PTPRU: variants seen among roughly 807,000 people sequenced by gnomAD.
PTPRU encodes the protein protein tyrosine phosphatase receptor type U, also known as receptor-type tyrosine-protein phosphatase U.
Under a neutral mutation model 166.3 loss-of-function variants are expected in PTPRU, and 69 were observed. That is an observed-to-expected ratio of 0.41 (90% CI 0.34 to 0.51). The LOEUF (loss-of-function observed/expected upper bound fraction) is 0.51, where lower values mean the gene tolerates loss of function less well. Ranked by LOEUF, PTPRU falls within the 20% of genes least tolerant of loss-of-function variation. The pLI is 0.09. For synonymous variants in PTPRU, 793 were observed against 814.0 expected (o/e 0.97, Z 0.44); for missense variants, 1,657 against 2,013.7 (o/e 0.82, Z 3.39).
At chr1:29,254,543 A>G (rs1684689897) in intron 1 of PTPRU, among the ~76,000 whole-genome samples, 1 of 152,216 alleles carries the variant, frequency 6.6e-6, no homozygotes, top group South Asian at 2.1e-4. Flanking sequence ...AATTTGGCCG[A>G]CTTTGGGCAA....
At chr1:29,283,227 A>C (rs1574659668) in intron 12 of PTPRU, among the ~76,000 whole-genome samples, 3 of 39,928 alleles carry the variant, frequency 7.5e-5, no homozygotes, top group African/African-American at 3.3e-4. Flanking sequence ...CCATTGCCCC[A>C]CCTCCAATAG....
rs1574584851 is a variant in PTPRU at position 29,237,880 on chromosome 1, G to A, written c.73+1163G>A. Among the ~76,000 whole-genome samples the A allele has an allele frequency of 6.8e-6, 1 of 146,750 alleles. No homozygotes were observed. Among genetic ancestry groups the A allele is most frequent in the Non-Finnish European group, 1.5e-5 (1 of 66,004 alleles). On this transcript the variant is annotated intron_variant, in intron 1 of 29. Coordinates refer to ENST00000373779, the MANE Select transcript of PTPRU (RefSeq NM_133178.4). The surrounding 1 kb of genome is among the most constrained non-coding windows in gnomAD (Gnocchi z 6.4). Reference sequence around the variant, plus strand: ...CCGCGGCTGCGCCCCGGGCGGCCGGGCGGGGGCTGTCCCCGGGCTGGGCTG... The same window carrying A: ...CCGCGGCTGCGCCCCGGGCGGCCGGACGGGGGCTGTCCCCGGGCTGGGCTG...
chr1:29,271,936 C>A lies in PTPRU; in HGVS notation c.1145-3512C>A, dbSNP rs1685572937. On this transcript the variant is annotated intron_variant, in intron 7 of 29. Coordinates refer to ENST00000373779, the MANE Select transcript of PTPRU (RefSeq NM_133178.4). The surrounding 1 kb of genome is among the most constrained non-coding windows in gnomAD (Gnocchi z 4.4). ...AGCTGCAGGGAACAGAGAGCCACTCCCAGTAGTGCAAATAAAGCAGTGGTA... is the reference window on the plus strand; with the variant it reads ...AGCTGCAGGGAACAGAGAGCCACTCACAGTAGTGCAAATAAAGCAGTGGTA... 6.6e-6 allele frequency among the ~76,000 whole-genome samples: 1 copy of A among 152,094 alleles called. No individual in the cohort carries two copies. Among genetic ancestry groups the A allele is most frequent in the Admixed American group, 6.6e-5 (1 of 15,264 alleles).
Position 29,260,542 on chromosome 1 carries a change from C to A in PTPRU, c.851-68C>A. 2 of 1,217,840 alleles carry A rather than the reference C, an allele frequency of 1.6e-6. No homozygotes were observed. Among genetic ancestry groups the A allele is most frequent in the Non-Finnish European group, 1.1e-6 (1 of 901,536 alleles). The allele number at this position is 1,217,840 out of a possible 1,614,324, so 75.4% of individuals were successfully genotyped here. A position where few individuals can be genotyped will look rare whatever the true frequency, so the allele number is the denominator to read the frequency against. ...GGAGAGGGATTTGGGTGTGGTGGAA[C>A]TCAGAGTTGGGTGCTGGGGTCTCAC... is the stretch of plus-strand genomic sequence containing the variant. On this transcript the variant is annotated intron_variant, in intron 6 of 29. Transcript: ENST00000373779. This position sits in a 1 kb window ranked among gnomAD's most constrained non-coding sequence, Gnocchi z 8.3.
intron 15 of PTPRU, among the ~76,000 whole-genome samples, chr1:29,297,502 T>C (rs1427469338): frequency 6.6e-6 from 1 of 152,202 alleles, no homozygotes; most frequent in East Asian, 1.9e-4. Flanking sequence ...TTGTTTCTAC[T>C]GCATCATGCT....
chr1:29,249,100 A>C (rs1458422698), intron 1 of PTPRU, among the ~76,000 whole-genome samples: 1 of 152,144 alleles, frequency 6.6e-6, no homozygotes, highest in Non-Finnish European at 1.5e-5. Context: ...CTCCCATTTG[A>C]ATACTTGAAA....
chr1:29,253,234 G>C (rs948512589), intron 1 of PTPRU, among the ~76,000 whole-genome samples: 1 of 152,210 alleles, frequency 6.6e-6, no homozygotes, highest in Non-Finnish European at 1.5e-5. Context: ...CTGTCTGGAA[G>C]CTCTCCGAAC....
intron 7 of PTPRU, among the ~76,000 whole-genome samples, chr1:29,273,395 A>G (rs1685658988): frequency 6.6e-6 from 1 of 152,070 alleles, no homozygotes; most frequent in Admixed American, 6.6e-5. Flanking sequence ...CAGCTCCCTG[A>G]GTAGCTGGGA....
intron 7 of PTPRU, among the ~76,000 whole-genome samples, chr1:29,274,408 C>T (rs1295046678): frequency 6.6e-6 from 1 of 152,190 alleles, no homozygotes; most frequent in Admixed American, 6.5e-5. Context: ...ATGTTAACTG[C>T]CTTTATTATC....
chr1:29,302,605 A>G (rs1687188646), intron 15 of PTPRU, among the ~76,000 whole-genome samples: 1 of 151,944 alleles, frequency 6.6e-6, no homozygotes, highest in South Asian at 2.1e-4. Context: ...GCTGGAGTGC[A>G]GTGGCGCGAT....
chr1:29,246,104 C>G (rs1194394949), intron 1 of PTPRU, among the ~76,000 whole-genome samples: 2 of 152,266 alleles, frequency 1.3e-5, no homozygotes, highest in African/African-American at 4.8e-5. Context: ...CATGGCCCCT[C>G]TGCATTCCAC....
chr1:29,292,175 A>G, intron 15 of PTPRU, 149 bp downstream of exon 15: 1 of 1,088,554 alleles, frequency 9.2e-7, no homozygotes, highest in Non-Finnish European at 1.3e-6. Flanking sequence ...CTGGATATAG[A>G]GCCAGCACAG....
intron 14 of PTPRU, among the ~76,000 whole-genome samples, chr1:29,286,047 G>A (rs1686330452): frequency 6.6e-6 from 1 of 152,238 alleles, no homozygotes; most frequent in Non-Finnish European, 1.5e-5. Flanking sequence ...GTATCTCTGG[G>A]CTGCCAGGAG....
intron 22 of PTPRU, among the ~76,000 whole-genome samples, chr1:29,314,329 C>T (rs10915251): frequency 0.021 from 3,160 of 152,254 alleles, 111 homozygotes; most frequent in African/African-American, 0.072. Context: ...AGCAGTTTTA[C>T]AAGGGGGTTG....
chr1:29,283,588 C>G, intron 12 of PTPRU: 2 of 340,344 alleles, frequency 5.9e-6, no homozygotes, highest in Non-Finnish European at 1.1e-5. Context: ...ATCCTCCAGG[C>G]TCCTCCCTCC....
chr1:29,292,140 C>G, intron 15 of PTPRU, 114 bp downstream of exon 15: 1 of 1,319,558 alleles, frequency 7.6e-7, no homozygotes, highest in Non-Finnish European at 1.0e-6. Flanking sequence ...AGTGAAGCAT[C>G]TGTGGTGCTC....
chr1:29,256,864 C>T (rs1273272664), intron 2 of PTPRU, among the ~76,000 whole-genome samples: 1 of 152,102 alleles, frequency 6.6e-6, no homozygotes, highest in African/African-American at 2.4e-5. Flanking sequence ...TTGTCACGTG[C>T]AAGCAGAGAC....
chr1:29,305,559 C>T (rs372868801), intron 18 of PTPRU, 131 bp downstream of exon 18: 13 of 925,598 alleles, frequency 1.4e-5, no homozygotes, highest in African/African-American at 3.2e-5. Flanking sequence ...CCTATCTCTG[C>T]AGTCAGTGCC....
Position 29,315,383 on chromosome 1 carries a change from G to A in PTPRU, c.3239G>A (p.Gly1080Asp). Residue 1080 changes from glycine to aspartate, a missense_variant, in exon 23 of 30, where the codon GGC (glycine) becomes GAC (aspartate). Gly to Asp is a moderately conservative substitution (Grantham distance 94, BLOSUM62 -1). Coordinates refer to ENST00000373779, the MANE Select transcript of PTPRU (RefSeq NM_133178.4). The surrounding 1 kb of genome is among the most constrained non-coding windows in gnomAD (Gnocchi z 4.5). The part of the protein sequence containing the change: ...PIVIHCSAGT[G>D]RTGCYIVLDV... ...TGCTCTCTCTCCAGCGCGGGCACCG[G>A]CCGCACAGGTTGCTATATCGTCCTG... 6.2e-7 allele frequency: 1 copy of A among 1,614,174 alleles called. No individual in the cohort carries two copies. Among genetic ancestry groups the A allele is most frequent in the Non-Finnish European group, 8.5e-7 (1 of 1,180,032 alleles).
Sources: allele counts gnomAD v4.1 joint callset (sites outside exome capture counted in the v4.1 genomes callset), GRCh38; gene constraint gnomAD v4.1.1; non-coding constraint Gnocchi (gnomAD v3.1); transcripts MANE v1.5; gene names NCBI Gene and HGNC (gene_info 2026-07-23, HGNC 2026-07-21).